Variants in SLC35F2 observed in about 807,000 individuals in gnomAD.
The protein encoded by SLC35F2 is queuine/queuosine transporter SLC35F2.
In SLC35F2, 25 loss-of-function variants were observed where a neutral mutation model predicts 38.1. That is an observed-to-expected ratio of 0.66 (90% CI 0.48 to 0.92). SLC35F2 has a LOEUF of 0.92. Among genes scored for constraint, SLC35F2 ranks in the 40% least tolerant of loss-of-function variants. SLC35F2 has a pLI of 0.00. For missense variants in SLC35F2, 409 were observed against 452.9 expected (o/e 0.90, Z 0.88); for synonymous variants, 173 against 181.7 (o/e 0.95, Z 0.38).
At chr11:107,841,453 C>T (rs2134842777) in intron 1 of SLC35F2, among the ~76,000 whole-genome samples, 1 of 151,412 alleles carries the variant, frequency 6.6e-6, no homozygotes, top group Admixed American at 6.6e-5. Flanking sequence ...ATCCCAACTC[C>T]TCAGGAGGCT....
chr11:107,852,907 G>A (rs1860211140), intron 1 of SLC35F2, among the ~76,000 whole-genome samples: 1 of 151,650 alleles, frequency 6.6e-6, no homozygotes, highest in East Asian at 1.9e-4. Flanking sequence ...AGCCAGGCGT[G>A]GTGGCCCATG....
At chr11:107,835,573 G>A in intron 1 of SLC35F2, among the ~76,000 whole-genome samples, 1 of 152,052 alleles carries the variant, frequency 6.6e-6, no homozygotes, top group East Asian at 1.9e-4. Context: ...GGGACTACAG[G>A]TGTACACCAC....
intron 1 of SLC35F2, among the ~76,000 whole-genome samples, chr11:107,818,241 G>A (rs912814298): frequency 5.7e-4 from 86 of 151,970 alleles, no homozygotes; most frequent in Admixed American, 3.7e-3. Flanking sequence ...AGACCAGCTC[G>A]GCAACATGCC....
At chr11:107,807,206 G>T (rs1033663588) in intron 3 of SLC35F2, among the ~76,000 whole-genome samples, 1 of 143,908 alleles carries the variant, frequency 6.9e-6, no homozygotes, top group African/African-American at 2.6e-5. Flanking sequence ...AGGCTGTGGC[G>T]GGCAGACTGC....
At chr11:107,794,590 T>C (rs1376399179) in intron 7 of SLC35F2, among the ~76,000 whole-genome samples, 1 of 152,170 alleles carries the variant, frequency 6.6e-6, no homozygotes, top group Non-Finnish European at 1.5e-5. Context: ...ATGGAGTAGC[T>C]AACATCATAC....
chr11:107,849,763 A>C (rs751173659), intron 1 of SLC35F2, among the ~76,000 whole-genome samples: 4 of 152,128 alleles, frequency 2.6e-5, no homozygotes, highest in Non-Finnish European at 5.9e-5. Flanking sequence ...CAGAAGAAAG[A>C]AGCAAACAAA....
chr11:107,835,097 C>A (rs1194719246), intron 1 of SLC35F2, among the ~76,000 whole-genome samples: 1 of 152,064 alleles, frequency 6.6e-6, no homozygotes, highest in Admixed American at 6.6e-5. Flanking sequence ...TTAAAGAGGC[C>A]AACAATCAAT....
intron 1 of SLC35F2, among the ~76,000 whole-genome samples, chr11:107,848,346 G>T (rs371285321): frequency 7.1e-4 from 108 of 152,310 alleles, no homozygotes; most frequent in African/African-American, 2.4e-3. Flanking sequence ...GTGGCTTTCA[G>T]ATTTGTTTTA....
At chr11:107,828,738 AAAAG>A (rs1280917385) in intron 1 of SLC35F2, among the ~76,000 whole-genome samples, 2 of 152,200 alleles carry the variant, frequency 1.3e-5, no homozygotes, top group Admixed American at 6.5e-5. Flanking sequence ...CTAACAACAA[AAAAG>A]AAAGAGACAA....
intron 4 of SLC35F2, chr11:107,806,492 C>G: frequency 2.0e-6 from 1 of 489,354 alleles, no homozygotes; most frequent in South Asian, 2.0e-5. Context: ...TTTTCTCTCT[C>G]AATCCAAGGA....
intron 3 of SLC35F2, among the ~76,000 whole-genome samples, chr11:107,807,173 G>A (rs927352456): frequency 6.7e-6 from 1 of 149,392 alleles, no homozygotes; most frequent in Non-Finnish European, 1.5e-5. Context: ...GGTGGCTCAC[G>A]CCTGTAATCT....
rs1054350429 is a variant in SLC35F2, at chr11:107,791,306, T to C, written c.*1309A>G. 6.6e-6 allele frequency: 1 copy of C among 152,270 alleles called. No homozygotes were observed. Among genetic ancestry groups the C allele is most frequent in the African/African-American group, 2.4e-5 (1 of 41,468 alleles). 9.4% of individuals were successfully genotyped at this position (152,270 alleles called of 1,614,324 possible). ...AATCTTTTCTTGTTTTTACCAGTTATAAAAACAAAGCTTTTTCTTTGTTGT... is the reference window on the plus strand; with the variant it reads ...AATCTTTTCTTGTTTTTACCAGTTACAAAAACAAAGCTTTTTCTTTGTTGT... On this transcript the variant is annotated 3_prime_UTR_variant, in exon 8 of 8. Coordinates refer to ENST00000525815, the MANE Select transcript of SLC35F2 (RefSeq NM_017515.5).
intron 3 of SLC35F2, chr11:107,810,370 T>G: frequency 1.0e-6 from 1 of 984,820 alleles, no homozygotes; most frequent in Non-Finnish European, 1.2e-6. Flanking sequence ...TGTTTAGGCC[T>G]TGCACCAATT....
chr11:107,800,256 A>G (rs1224602778), intron 7 of SLC35F2, among the ~76,000 whole-genome samples: 2 of 152,126 alleles, frequency 1.3e-5, no homozygotes, highest in Admixed American at 1.3e-4. Context: ...GGAATACCTT[A>G]ACCAGCAAGT....
At chr11:107,803,474 C>G (rs1200488988) in intron 6 of SLC35F2, 1 of 982,806 alleles carries the variant, frequency 1.0e-6, no homozygotes, top group Non-Finnish European at 1.2e-6. Context: ...GACAGCGATG[C>G]CTGTGATAAA....
intron 2 of SLC35F2, among the ~76,000 whole-genome samples, 195 bp downstream of exon 2, chr11:107,815,593 CAA>C (rs946751559): frequency 2.9e-5 from 4 of 139,532 alleles, no homozygotes; most frequent in South Asian, 2.3e-4. Flanking sequence ...AACACACACA[CAA>C]AAAAAAAAAC....
intron 1 of SLC35F2, among the ~76,000 whole-genome samples, chr11:107,824,803 A>G (rs528089969): frequency 6.6e-6 from 1 of 152,192 alleles, no homozygotes; most frequent in South Asian, 2.1e-4. Context: ...TCTTTTGGTA[A>G]CCTCTTGACC....
intron 1 of SLC35F2, among the ~76,000 whole-genome samples, chr11:107,835,193 TA>T: frequency 6.6e-6 from 1 of 152,326 alleles, no homozygotes. Flanking sequence ...TATTTGAAGG[TA>T]ACTACACCTA....
chr11:107,824,990 T>C (rs1462196170), intron 1 of SLC35F2, among the ~76,000 whole-genome samples: 1 of 152,244 alleles, frequency 6.6e-6, no homozygotes, highest in Non-Finnish European at 1.5e-5. Context: ...GAATGTTTAA[T>C]GTAATTTCGT....
Sources: allele counts gnomAD v4.1 joint callset (sites outside exome capture counted in the v4.1 genomes callset), GRCh38; gene constraint gnomAD v4.1.1; transcripts MANE v1.5; gene names NCBI Gene and HGNC (gene_info 2026-07-23, HGNC 2026-07-21).